RIMS2: variants seen among roughly 807,000 people sequenced by gnomAD.
RIMS2 encodes the protein regulating synaptic membrane exocytosis 2.
RIMS2 carries 59 observed loss-of-function variants against 174.4 expected under a neutral mutation model. The ratio of observed to expected loss-of-function variants is 0.34; its 90% CI spans 0.27 to 0.42. The LOEUF is 0.42. Among genes scored for constraint, RIMS2 ranks in the 10% least tolerant of loss-of-function variants. RIMS2 has a pLI of 1.00. For missense variants in RIMS2, 1,620 were observed against 1,666.3 expected, an observed-to-expected ratio of 0.97 and a Z score of 0.48; for synonymous variants, 606 against 572.5, an observed-to-expected ratio of 1.06 and a Z score of -0.84.
intron 3 of RIMS2, among the ~76,000 whole-genome samples, chr8:103,855,284 AT>A (rs1407354868): frequency 2.0e-5 from 3 of 150,876 alleles, no homozygotes; most frequent in East Asian, 3.9e-4. Context: ...AATCTTGTTT[AT>A]TTTTTCAAGT....
At chr8:103,589,460 AC>A (rs1455242593) in intron 1 of RIMS2, among the ~76,000 whole-genome samples, 1 of 151,760 alleles carries the variant, frequency 6.6e-6, no homozygotes, top group East Asian at 1.9e-4. Flanking sequence ...AGAAAAGGGA[AC>A]CCTTGTACAC....
At chr8:103,657,066 A>T (rs1476927609) in intron 1 of RIMS2, among the ~76,000 whole-genome samples, 2 of 152,098 alleles carry the variant, frequency 1.3e-5, no homozygotes, top group African/African-American at 4.8e-5. Context: ...CCCTCAAGAG[A>T]AACAACTTTA....
At chr8:104,227,889 TA>T (rs1000999027) in intron 19 of RIMS2, among the ~76,000 whole-genome samples, 6 of 152,166 alleles carry the variant, frequency 3.9e-5, no homozygotes, top group African/African-American at 1.4e-4. Flanking sequence ...AGAATAGCTT[TA>T]AAATCACCAG....
chr8:104,222,918 CAA>C (rs1338862974), intron 19 of RIMS2, among the ~76,000 whole-genome samples: 2 of 152,000 alleles, frequency 1.3e-5, no homozygotes, highest in Admixed American at 6.6e-5. Context: ...TCATTTTTAA[CAA>C]AGAGAGTAAA....
rs537276505 is a variant in RIMS2 at position 103,554,743 on chromosome 8, A to G, written c.176+53681A>G. Among the ~76,000 whole-genome samples the G allele has an allele frequency of 3.3e-5, 5 of 152,338 alleles. No homozygotes were observed. In the East Asian group the frequency reaches 5.8e-4, roughly 18 times the overall value. ...TAAAGACACACGGAGATGTATGTCC[A>G]TTGCAGCACTACTCTCAATAGTAAA... is the stretch of plus-strand genomic sequence containing the variant. On this transcript the variant is annotated intron_variant, in intron 1 of 23. Transcript: ENST00000504942.
At chr8:103,870,161 T>A (rs1371361667) in intron 3 of RIMS2, among the ~76,000 whole-genome samples, 1 of 150,900 alleles carries the variant, frequency 6.6e-6, no homozygotes, top group Admixed American at 6.6e-5. Context: ...CCACTAGTTT[T>A]AAATTCCTTT....
At chr8:103,751,127 G>A (rs1230507662) in intron 2 of RIMS2, among the ~76,000 whole-genome samples, 1 of 152,152 alleles carries the variant, frequency 6.6e-6, no homozygotes, top group Non-Finnish European at 1.5e-5. Context: ...GGAACTGTAA[G>A]TCCAATAAAC....
At chr8:103,897,748 G>T (rs947257331) in intron 4 of RIMS2, among the ~76,000 whole-genome samples, 9 of 151,634 alleles carry the variant, frequency 5.9e-5, no homozygotes, top group African/African-American at 2.0e-4. Context: ...CCTTGTTCCA[G>T]AACAAGTGTG....
At chr8:103,901,750 G>A (rs1476991251) in intron 4 of RIMS2, among the ~76,000 whole-genome samples, 1 of 152,052 alleles carries the variant, frequency 6.6e-6, no homozygotes, top group Non-Finnish European at 1.5e-5. Context: ...TAAAAAATAA[G>A]CTAATTATGG....
chr8:103,673,020 C>T (rs1344191863), intron 1 of RIMS2, among the ~76,000 whole-genome samples: 2 of 152,168 alleles, frequency 1.3e-5, no homozygotes, highest in African/African-American at 4.8e-5. Context: ...AAAGGGGCTA[C>T]AGGTCTCATG....
intron 19 of RIMS2, among the ~76,000 whole-genome samples, chr8:104,017,463 GAAT>G (rs1345310065): frequency 1.3e-5 from 2 of 151,842 alleles, no homozygotes; most frequent in Non-Finnish European, 1.5e-5. Context: ...AGTAAAATAA[GAAT>G]AATATAGAAA....
At chr8:103,612,390 G>T (rs1582770) in intron 1 of RIMS2, among the ~76,000 whole-genome samples, 27,562 of 151,918 alleles carry the variant, frequency 0.18, 2,706 homozygotes, top group African/African-American at 0.25. Context: ...GGTATTTATT[G>T]TAGTCTTCAC....
intron 13 of RIMS2, among the ~76,000 whole-genome samples, chr8:103,937,153 G>C (rs915913908): frequency 5.3e-5 from 8 of 151,702 alleles, no homozygotes; most frequent in African/African-American, 1.9e-4. Flanking sequence ...AATAGATGTA[G>C]AATATCTGCA....
rs143215141 is a variant in RIMS2 at position 103,947,026 on chromosome 8, A to G, written c.2701+4100A>G. 3.4e-3 allele frequency among the ~76,000 whole-genome samples: 516 copies of G among 152,302 alleles called. 3 individuals carry two copies. Among genetic ancestry groups the G allele is most frequent in the African/African-American group, 0.01 (429 of 41,564 alleles). On this transcript the variant is annotated intron_variant, in intron 14 of 23. Coordinates refer to ENST00000504942, the Ensembl canonical transcript of RIMS2. ...TGTTGTTGTTGTCTTTTTACTAATAATGCTGTAACAATTTAATATCCACAT... is the reference window on the plus strand; with the variant it reads ...TGTTGTTGTTGTCTTTTTACTAATAGTGCTGTAACAATTTAATATCCACAT...
intron 2 of RIMS2, among the ~76,000 whole-genome samples, chr8:103,703,477 A>T (rs2137579478): frequency 6.6e-6 from 1 of 152,194 alleles, no homozygotes; most frequent in South Asian, 2.1e-4. Context: ...ACCTCAAGTG[A>T]TCCACCCATT....
chr8:104,245,734 A>G (rs553455912), intron 20 of RIMS2, among the ~76,000 whole-genome samples: 1 of 152,358 alleles, frequency 6.6e-6, no homozygotes, highest in South Asian at 2.1e-4. Context: ...CCTCACTGTC[A>G]TCACTGTGTA....
At chr8:104,102,694 C>T (rs967757607) in intron 19 of RIMS2, among the ~76,000 whole-genome samples, 9 of 152,082 alleles carry the variant, frequency 5.9e-5, no homozygotes, top group Non-Finnish European at 7.4e-5. Context: ...ACATCTTACA[C>T]GGCAGCAGTC....
At chr8:103,626,426 TAAC>T (rs1159679699) in intron 1 of RIMS2, among the ~76,000 whole-genome samples, 21 of 152,192 alleles carry the variant, frequency 1.4e-4, no homozygotes, top group African/African-American at 3.6e-4. Context: ...ATAATAATAA[TAAC>T]AAAATATTCC....
At chr8:104,085,728 T>C (rs1166843428) in intron 19 of RIMS2, among the ~76,000 whole-genome samples, 1 of 152,186 alleles carries the variant, frequency 6.6e-6, no homozygotes, top group African/African-American at 2.4e-5. Flanking sequence ...GAATGGAGGA[T>C]ACTGGGGAAG....
Sources: gnomAD v4.1 joint callset for allele counts (sites outside exome capture counted in the v4.1 genomes callset) on GRCh38, gnomAD v4.1.1 for gene constraint, MANE v1.5 for transcripts, NCBI Gene and HGNC (gene_info 2026-07-23, HGNC 2026-07-21) for gene names.